Variants in KIF1B observed in about 807,000 individuals in gnomAD.
KIF1B encodes kinesin-like protein KIF1B.
KIF1B carries 76 observed loss-of-function variants against 241.9 expected under a neutral mutation model. The observed-to-expected ratio is 0.31, with a 90% CI of 0.26 to 0.38. KIF1B has a LOEUF of 0.38. Ranked by LOEUF, KIF1B falls within the 10% of genes least tolerant of loss-of-function variation. The pLI is 1.00. For missense variants in KIF1B, 1,622 were observed against 2,271.4 expected, an observed-to-expected ratio of 0.71 and a Z score of 5.81; for synonymous variants, 750 against 796.7, an observed-to-expected ratio of 0.94 and a Z score of 0.99.
At chr1:10,330,428 G>A (rs1651878402) in intron 27 of KIF1B, among the ~76,000 whole-genome samples, 1 of 151,656 alleles carries the variant, frequency 6.6e-6, no homozygotes, top group African/African-American at 2.4e-5. Flanking sequence ...CATCTTTACT[G>A]TGTGTGCAAA....
chr1:10,286,267 T>C (rs1649710135), intron 15 of KIF1B, among the ~76,000 whole-genome samples: 1 of 152,190 alleles, frequency 6.6e-6, no homozygotes, highest in Admixed American at 6.5e-5. Flanking sequence ...CTCAAACTTC[T>C]GACTACAGGT....
intron 14 of KIF1B, among the ~76,000 whole-genome samples, chr1:10,280,094 C>T (rs192364265): frequency 6.6e-6 from 1 of 152,182 alleles, no homozygotes; most frequent in South Asian, 2.1e-4. Flanking sequence ...TCATTATTCT[C>T]TCCACATATA....
At chr1:10,272,554 T>A (rs1455234697) in intron 9 of KIF1B, 2 of 560,350 alleles carry the variant, frequency 3.6e-6, no homozygotes, top group East Asian at 6.9e-5. Flanking sequence ...ACTGAAGGTT[T>A]GACTCATTTT....
chr1:10,346,425 C>T (rs765086996), intron 35 of KIF1B, among the ~76,000 whole-genome samples: 47 of 151,788 alleles, frequency 3.1e-4, no homozygotes, highest in Admixed American at 2.0e-3. Context: ...AGTGCAATGG[C>T]GCGATCTCAG....
At chr1:10,300,347 T>G (rs1445400855) in intron 22 of KIF1B, among the ~76,000 whole-genome samples, 3 of 151,492 alleles carry the variant, frequency 2.0e-5, no homozygotes, top group Non-Finnish European at 4.4e-5. Context: ...GTTTTTAGTA[T>G]CACCATCAAT....
intron 1 of KIF1B, among the ~76,000 whole-genome samples, chr1:10,212,343 GTGT>G (rs750880000): frequency 2.6e-5 from 4 of 152,220 alleles, no homozygotes; most frequent in Non-Finnish European, 5.9e-5. Context: ...TATAGAGCAA[GTGT>G]TGTTAATGTA....
intron 38 of KIF1B, among the ~76,000 whole-genome samples, chr1:10,357,540 C>T (rs973532548): frequency 2.0e-5 from 3 of 152,122 alleles, no homozygotes; most frequent in Admixed American, 6.5e-5. Flanking sequence ...TCAAGACCTG[C>T]CTGGGCAATG....
intron 5 of KIF1B, among the ~76,000 whole-genome samples, chr1:10,266,649 G>A (rs1648479471): frequency 6.6e-6 from 1 of 152,080 alleles, no homozygotes; most frequent in South Asian, 2.1e-4. Context: ...TTGTTCCTTG[G>A]TTTTAACTCT....
intron 44 of KIF1B, among the ~76,000 whole-genome samples, chr1:10,370,076 A>T (rs1252004920): frequency 6.6e-6 from 1 of 151,868 alleles, no homozygotes. Context: ...CAACATGGAG[A>T]AACCCTGTCT....
chr1:10,291,030 A>C lies in KIF1B; in HGVS notation c.1435-52A>C. 2.2e-6 allele frequency: 3 copies of C among 1,368,800 alleles called. No individual in the cohort carries two copies. In the Admixed American group the frequency reaches 5.0e-5, roughly 23 times the overall value. The allele number at this position is 1,368,800 out of a possible 1,614,324, so 84.8% of individuals were successfully genotyped here. On this transcript the variant is annotated intron_variant, in intron 15 of 48. Coordinates refer to ENST00000676179, the MANE Select transcript of KIF1B (RefSeq NM_001365951.3). Reference sequence around the variant, plus strand: ...TTGCTTCTTGCTTTTCTAGCATGGTATGTTAAATTATAAGACTCTTTGCCT... The same window carrying C: ...TTGCTTCTTGCTTTTCTAGCATGGTCTGTTAAATTATAAGACTCTTTGCCT...
chr1:10,336,928 T>C, intron 29 of KIF1B, 146 bp from the exon 30 acceptor site: 1 of 1,156,768 alleles, frequency 8.6e-7, no homozygotes, highest in Non-Finnish European at 1.3e-6. Flanking sequence ...TCATATTTTA[T>C]TCATTGCCTT....
intron 2 of KIF1B, among the ~76,000 whole-genome samples, chr1:10,234,276 C>T (rs1273544333): frequency 1.4e-5 from 2 of 146,936 alleles, no homozygotes; most frequent in African/African-American, 2.5e-5. Context: ...GGTGTGATCT[C>T]GGCTCACTGT....
intron 21 of KIF1B, 36 bp from the exon 22 acceptor site, chr1:10,297,138 G>A: frequency 1.9e-6 from 3 of 1,597,444 alleles, no homozygotes; most frequent in Admixed American, 1.7e-5. Flanking sequence ...AATACTAATA[G>A]CATTCTTGAA....
chr1:10,279,885 G>A (rs1488056802), intron 14 of KIF1B, among the ~76,000 whole-genome samples: 2 of 151,668 alleles, frequency 1.3e-5, no homozygotes, highest in Non-Finnish European at 2.9e-5. Flanking sequence ...TTTATTTGTA[G>A]AGGTGAGGGG....
At chr1:10,304,555 C>T (rs143359582) in intron 22 of KIF1B, 2 of 1,614,072 alleles carry the variant, frequency 1.2e-6, no homozygotes, top group African/African-American at 2.7e-5. Context: ...GACTGACAAA[C>T]CCAGCCACTG....
intron 35 of KIF1B, among the ~76,000 whole-genome samples, chr1:10,346,328 A>C (rs556259407): frequency 2.6e-5 from 4 of 152,108 alleles, no homozygotes; most frequent in Non-Finnish European, 5.9e-5. Context: ...CAGCAAAATC[A>C]TGGAGACAGG....
intron 28 of KIF1B, among the ~76,000 whole-genome samples, chr1:10,335,736 C>T (rs777979733): frequency 1.3e-4 from 19 of 151,554 alleles, no homozygotes; most frequent in Middle Eastern, 3.4e-3. Context: ...GTGGCTCGTG[C>T]CTGTAGTCCC....
intron 1 of KIF1B, among the ~76,000 whole-genome samples, chr1:10,212,689 C>A (rs1301686602): frequency 6.6e-6 from 1 of 151,512 alleles, no homozygotes; most frequent in Non-Finnish European, 1.5e-5. Flanking sequence ...TTCGAGACCA[C>A]CCTGGGCAAC....
intron 6 of KIF1B, among the ~76,000 whole-genome samples, 191 bp downstream of exon 6, chr1:10,267,749 T>A (rs562918191): frequency 2.6e-5 from 4 of 152,324 alleles, no homozygotes; most frequent in African/African-American, 9.6e-5. Context: ...AACAGTACAT[T>A]GCTGAAACAT....
Sources: gnomAD v4.1 joint callset for allele counts (sites outside exome capture counted in the v4.1 genomes callset) on GRCh38, gnomAD v4.1.1 for gene constraint, MANE v1.5 for transcripts, NCBI Gene and HGNC (gene_info 2026-07-23, HGNC 2026-07-21) for gene names.